Variants in UGT1A8 observed in about 807,000 individuals in gnomAD.
UGT1A8 encodes UDP glucuronosyltransferase family 1 member A8.
A neutral mutation model predicts 45.3 loss-of-function variants in UGT1A8; 39 were observed. The ratio of observed to expected loss-of-function variants is 0.86; its 90% confidence interval spans 0.67 to 1.12. UGT1A8 has a LOEUF of 1.12. Ranked by LOEUF, UGT1A8 falls within the 50% of genes most tolerant of loss-of-function variation. The pLI, the probability that UGT1A8 is intolerant of heterozygous loss-of-function variation, is 0.00. For synonymous variants in UGT1A8, 275 were observed against 249.2 expected, an observed-to-expected ratio of 1.10 and a Z score of -0.97; for missense variants, 719 against 664.9, an observed-to-expected ratio of 1.08 and a Z score of -0.90.
chr2:233,739,651 G>A (rs1230499129), intron 1 of UGT1A8, among the ~76,000 whole-genome samples: 1 of 152,174 alleles, frequency 6.6e-6, no homozygotes, highest in African/African-American at 2.4e-5. Flanking sequence ...CCCAATTTCT[G>A]TACCCCCATT....
At chr2:233,747,833 C>T (rs1236031323) in intron 1 of UGT1A8, 1 of 1,613,530 alleles carries the variant, frequency 6.2e-7, no homozygotes, top group Non-Finnish European at 8.5e-7. Context: ...ACATGACATT[C>T]CTGCAAAGGG....
At position 233,772,264 on chromosome 2, in the gene UGT1A8, A is replaced by G. The variant is rs766626435; in HGVS notation, c.1298A>G (p.Tyr433Cys). Reference sequence around the variant, plus strand: ...AACGAAACTGTCTTTGTGTTTAGTTACAAGGAGAACATCATGCGCCTCTCC... The same window carrying G: ...AACGAAACTGTCTTTGTGTTTAGTTGCAAGGAGAACATCATGCGCCTCTCC... Reference protein sequence around the residue: ...ALKAVINDKSYKENIMRLSSL... With the variant: ...ALKAVINDKSCKENIMRLSSL... The change falls in exon 5 of 5, where the codon TAC becomes TGC. Residue 433 changes from tyrosine to cysteine, a missense_variant and splice_region_variant. Tyr to Cys is a radical substitution (Grantham distance 194). Coordinates refer to ENST00000373450, the MANE Select transcript of UGT1A8 (RefSeq NM_019076.5). The G allele has an allele frequency of 2.5e-6, 4 of 1,614,262 alleles. No homozygotes were observed. Among genetic ancestry groups the G allele is most frequent in the Admixed American group, 1.7e-5 (1 of 60,030 alleles).
intron 1 of UGT1A8, chr2:233,648,110 C>G: frequency 6.8e-7 from 1 of 1,460,680 alleles, no homozygotes; most frequent in Non-Finnish European, 9.2e-7. Context: ...GAGTTCATGG[C>G]TTTTGCCAAT....
chr2:233,772,619 A>G lies in UGT1A8; in HGVS notation c.*60A>G. ...ATTCCCTAGTCATTTCCAAACTTGAAAACAGAATCAGTGTTAAATTCATTT... is the reference window on the plus strand; with the variant it reads ...ATTCCCTAGTCATTTCCAAACTTGAGAACAGAATCAGTGTTAAATTCATTT... On this transcript the variant is annotated 3_prime_UTR_variant, in exon 5 of 5. Coordinates refer to ENST00000373450, the MANE Select transcript of UGT1A8 (RefSeq NM_019076.5). The G allele has an allele frequency of 1.3e-6, 2 of 1,569,672 alleles. No homozygotes were observed. The highest frequency in any genetic ancestry group is 1.7e-6 in the Non-Finnish European group (2 of 1,156,572).
chr2:233,675,990 A>G (rs1181588502), intron 1 of UGT1A8, among the ~76,000 whole-genome samples: 2 of 152,236 alleles, frequency 1.3e-5, no homozygotes, highest in Non-Finnish European at 2.9e-5. Context: ...ATACAGATCA[A>G]TGGAATAGAA....
At chr2:233,627,633 C>CTTCCTTCCTTCA in intron 1 of UGT1A8, among the ~76,000 whole-genome samples, 1 of 108,814 alleles carries the variant, frequency 9.2e-6, no homozygotes, top group Non-Finnish European at 1.9e-5. Context: ...TTCTTCCTTC[C>CTTCCTTCCTTCA]TTCCTTCCTT....
At chr2:233,728,783 A>G (rs1324632843) in intron 1 of UGT1A8, among the ~76,000 whole-genome samples, 1 of 152,246 alleles carries the variant, frequency 6.6e-6, no homozygotes, top group East Asian at 1.9e-4. Flanking sequence ...CCTGATAAAC[A>G]TGGTTAACAG....
Position 233,618,449 on chromosome 2 carries a change from A to G in UGT1A8, c.742A>G (p.Thr248Ala). ...PVTAYDLYSH[T>A]SIWLLRTDFV... ...CACAGCATATGATCTCTACAGCCACACATCAATTTGGTTGTTGCGAACAGA... is the reference window on the plus strand; with the variant it reads ...CACAGCATATGATCTCTACAGCCACGCATCAATTTGGTTGTTGCGAACAGA... Residue 248 changes from threonine to alanine, a missense_variant, in exon 1 of 5, where the codon ACA (threonine) becomes GCA (alanine). Transcript: ENST00000373450. 1.2e-6 allele frequency: 2 copies of G among 1,613,894 alleles called. No homozygotes were observed. Among genetic ancestry groups the G allele is most frequent in the South Asian group, 2.2e-5 (2 of 91,074 alleles).
At chr2:233,718,692 G>A in intron 1 of UGT1A8, 1 of 1,589,924 alleles carries the variant, frequency 6.3e-7, no homozygotes, top group Middle Eastern at 2.3e-4. Context: ...AACTGGAGGA[G>A]GGCACTTTGT....
In UGT1A8 at chr2:233,668,555, C is replaced by T. The variant is rs1031667753; in HGVS notation, c.855+49993C>T. The stretch of plus-strand genomic sequence containing the variant: ...CTTTATAGTACCATGATTTATAATC[C>T]TTTGGATACATACCCAGTAATGGGA... On this transcript the variant is annotated intron_variant, in intron 1 of 4. Transcript: ENST00000373450. Among the ~76,000 whole-genome samples, 11 of 152,250 alleles carry T rather than the reference C, an allele frequency of 7.2e-5. No individual in the cohort carries two copies. In the South Asian group the frequency reaches 2.3e-3, roughly 32 times the overall value.
At chr2:233,677,688 T>C (rs1042423411) in intron 1 of UGT1A8, among the ~76,000 whole-genome samples, 2 of 152,016 alleles carry the variant, frequency 1.3e-5, no homozygotes, top group Non-Finnish European at 2.9e-5. Flanking sequence ...TAGATGCTGG[T>C]GAGGCTGCTG....
intron 1 of UGT1A8, among the ~76,000 whole-genome samples, chr2:233,665,985 G>A (rs912946536): frequency 2.0e-5 from 3 of 152,146 alleles, no homozygotes; most frequent in Non-Finnish European, 4.4e-5. Flanking sequence ...GAATACCTGA[G>A]GTTGGTTAAT....
At chr2:233,757,297 T>G (rs1200339866) in intron 1 of UGT1A8, among the ~76,000 whole-genome samples, 15 of 102,166 alleles carry the variant, frequency 1.5e-4, no homozygotes, top group South Asian at 3.6e-4. Context: ...CAGCTGGGGG[T>G]TGGGGGACAG....
At chr2:233,709,349 A>C (rs1242189375) in intron 1 of UGT1A8, among the ~76,000 whole-genome samples, 3 of 152,182 alleles carry the variant, frequency 2.0e-5, no homozygotes. Flanking sequence ...TAAACCTATT[A>C]CTATATAGAT....
chr2:233,729,673 A>G (rs1282991761), intron 1 of UGT1A8: 1 of 1,613,898 alleles, frequency 6.2e-7, no homozygotes, highest in South Asian at 1.1e-5. Flanking sequence ...TTTAGACTTT[A>G]AGGGCACACA....
chr2:233,637,347 C>T, intron 1 of UGT1A8: 2 of 1,613,774 alleles, frequency 1.2e-6, no homozygotes, highest in Non-Finnish European at 1.7e-6. Context: ...TTGGTGGTAT[C>T]AACTGTCATC....
In UGT1A8 at chr2:233,768,291, G is replaced by T; in HGVS notation, c.1147G>T (p.Val383Phe). The change falls in exon 4 of 5, where the codon GTT becomes TTT. Residue 383 changes from valine to phenylalanine, a missense_variant. Physicochemically the swap from Val to Phe is conservative, Grantham distance 50. Coordinates refer to ENST00000373450, the MANE Select transcript of UGT1A8 (RefSeq NM_019076.5). ...HGVYESICNG[V>F]PMVMMPLFGD... ...TGTTTATGAAAGCATATGCAATGGC[G>T]TTCCCATGGTGATGATGCCCTTGTT... is the stretch of plus-strand genomic sequence containing the variant. 1 of 1,614,148 alleles carries T rather than the reference G, an allele frequency of 6.2e-7. No homozygotes were observed. Among genetic ancestry groups the T allele is most frequent in the Non-Finnish European group, 8.5e-7 (1 of 1,180,032 alleles).
intron 1 of UGT1A8, among the ~76,000 whole-genome samples, chr2:233,656,746 A>T (rs13402456): frequency 0.042 from 6,431 of 151,874 alleles, 217 homozygotes; most frequent in Middle Eastern, 0.082. Context: ...CGTGGCTGTG[A>T]CTCAGTTTTG....
chr2:233,635,802 C>A (rs1398137422), intron 1 of UGT1A8, among the ~76,000 whole-genome samples: 2 of 150,938 alleles, frequency 1.3e-5, no homozygotes, highest in African/African-American at 4.9e-5. Context: ...AGAGAGGCAG[C>A]CCAGCAGAGT....
Sources: gnomAD v4.1 joint callset for allele counts (sites outside exome capture counted in the v4.1 genomes callset) on GRCh38, gnomAD v4.1.1 for gene constraint, MANE v1.5 for transcripts, NCBI Gene and HGNC (gene_info 2026-07-23, HGNC 2026-07-21) for gene names.